Variants in RALGPS1 observed in about 807,000 individuals in gnomAD.
RALGPS1 encodes the protein ras-specific guanine nucleotide-releasing factor RalGPS1.
A neutral mutation model predicts 78.8 loss-of-function variants in RALGPS1; 19 were observed. The observed-to-expected ratio is 0.24, with a 90% CI of 0.17 to 0.35. The LOEUF (loss-of-function observed/expected upper bound fraction) is 0.35. Ranked by LOEUF, RALGPS1 falls within the 10% of genes least tolerant of loss-of-function variation. The pLI, the probability that RALGPS1 is intolerant of heterozygous loss-of-function variation, is 1.00. For missense variants in RALGPS1, 454 were observed against 688.3 expected (o/e 0.66, Z 3.81); for synonymous variants, 228 against 256.3 (o/e 0.89, Z 1.06).
chr9:127,171,460 TAA>T (rs984294939), intron 10 of RALGPS1, among the ~76,000 whole-genome samples: 7 of 152,158 alleles, frequency 4.6e-5, no homozygotes, highest in Admixed American at 2.0e-4. Flanking sequence ...CTAAAATTAA[TAA>T]AAGAGGGCCG....
chr9:127,112,395 A>G (rs1440957764), intron 8 of RALGPS1, among the ~76,000 whole-genome samples: 1 of 152,212 alleles, frequency 6.6e-6, no homozygotes, highest in African/African-American at 2.4e-5. Flanking sequence ...CAGGCTGCTC[A>G]CCTGAGGCAG....
intron 14 of RALGPS1, among the ~76,000 whole-genome samples, chr9:127,200,944 CAT>C (rs937248543): frequency 1.3e-5 from 2 of 152,260 alleles, no homozygotes; most frequent in African/African-American, 4.8e-5. Context: ...CTTATTCCTT[CAT>C]TCACTCACTT....
At position 127,059,653 on chromosome 9, in the gene RALGPS1, C is replaced by T. The variant is rs555082672; in HGVS notation, c.483+6714C>T. On this transcript the variant is annotated intron_variant, in intron 7 of 18. Transcript: ENST00000259351. ...GGAGCTTCAAGTGTCACCTCCTGTACCCCAGTGATGGCTGGCTTTTCAGTT... is the reference window on the plus strand; with the variant it reads ...GGAGCTTCAAGTGTCACCTCCTGTATCCCAGTGATGGCTGGCTTTTCAGTT... Among the ~76,000 whole-genome samples the T allele has an allele frequency of 1.6e-4, 25 of 152,144 alleles. 1 individual carries two copies. In the South Asian group the frequency reaches 5.0e-3, roughly 30 times the overall value.
At chr9:127,200,021 C>T (rs115826982) in intron 14 of RALGPS1, among the ~76,000 whole-genome samples, 2,303 of 152,258 alleles carry the variant, frequency 0.015, 51 homozygotes, top group African/African-American at 0.051. Flanking sequence ...CACAGGCACA[C>T]GCTCACACAT....
chr9:127,157,400 G>A (rs2058760008), intron 8 of RALGPS1, among the ~76,000 whole-genome samples: 2 of 152,044 alleles, frequency 1.3e-5, no homozygotes, highest in African/African-American at 4.8e-5. Context: ...GATACAAAGA[G>A]ATGTAGATAA....
chr9:126,974,117 G>T (rs2040380752), intron 3 of RALGPS1, among the ~76,000 whole-genome samples: 1 of 152,066 alleles, frequency 6.6e-6, no homozygotes, highest in South Asian at 2.1e-4. Context: ...CAAGTGATCC[G>T]CCAGCTTCAG....
chr9:127,042,388 TG>T (rs906118603), intron 5 of RALGPS1, among the ~76,000 whole-genome samples: 1 of 152,198 alleles, frequency 6.6e-6, no homozygotes, highest in Admixed American at 6.5e-5. Context: ...TGTAATCCAC[TG>T]TACAATAGGC....
chr9:127,167,315 G>T (rs937229168), intron 9 of RALGPS1, among the ~76,000 whole-genome samples: 2 of 152,232 alleles, frequency 1.3e-5, no homozygotes, highest in Non-Finnish European at 2.9e-5. Context: ...TGACAGGAGG[G>T]GTAGGAGGCA....
chr9:126,981,840 G>A (rs1425701229), intron 4 of RALGPS1, among the ~76,000 whole-genome samples: 1 of 152,158 alleles, frequency 6.6e-6, no homozygotes, highest in African/African-American at 2.4e-5. Context: ...GTCTCTGTGG[G>A]TGAAGAATCC....
At chr9:126,971,832 A>G (rs180813531) in intron 3 of RALGPS1, among the ~76,000 whole-genome samples, 234 of 152,346 alleles carry the variant, frequency 1.5e-3, no homozygotes, top group African/African-American at 5.2e-3. Context: ...TAGTATGACT[A>G]TAGGATAAAG....
At chr9:127,149,144 A>G (rs936600324) in intron 8 of RALGPS1, among the ~76,000 whole-genome samples, 1 of 152,174 alleles carries the variant, frequency 6.6e-6, no homozygotes, top group Non-Finnish European at 1.5e-5. Flanking sequence ...CTGACCCACT[A>G]AGACCACCTG....
chr9:126,958,142 A>AAAATATATAT, intron 1 of RALGPS1, among the ~76,000 whole-genome samples: 1 of 77,104 alleles, frequency 1.3e-5, no homozygotes, highest in African/African-American at 4.1e-5. Context: ...AAAAAAAAAA[A>AAAATATATAT]ATATATATAT....
chr9:127,154,256 A>T lies in RALGPS1; in HGVS notation c.611-11813A>T, dbSNP rs187252351. On this transcript the variant is annotated intron_variant, in intron 8 of 18. Coordinates refer to ENST00000259351, the MANE Select transcript of RALGPS1 (RefSeq NM_014636.3). The stretch of plus-strand genomic sequence containing the variant: ...CAAGAGGCAGGGCTGCTGCTGGGCC[A>T]GCTGGATCTGGCCAGGCCAAGTGCC... Among the ~76,000 whole-genome samples the T allele has an allele frequency of 5.0e-4, 76 of 152,360 alleles. No individual in the cohort carries two copies. The East Asian group carries it at 0.014, about 29-fold the overall frequency.
At chr9:126,927,056 G>A (rs1032608603) in intron 1 of RALGPS1, among the ~76,000 whole-genome samples, 1 of 152,132 alleles carries the variant, frequency 6.6e-6, no homozygotes, top group African/African-American at 2.4e-5. Context: ...ATCTGCAGCT[G>A]AGAGAGAGAT....
At chr9:127,101,110 A>G (rs370191369) in intron 8 of RALGPS1, among the ~76,000 whole-genome samples, 21 of 152,358 alleles carry the variant, frequency 1.4e-4, no homozygotes, top group South Asian at 1.0e-3. Flanking sequence ...CAACCCCAGG[A>G]AAGCTACTTT....
chr9:127,170,639 G>T (rs2059524936), intron 10 of RALGPS1, among the ~76,000 whole-genome samples: 2 of 152,274 alleles, frequency 1.3e-5, no homozygotes, highest in Middle Eastern at 3.4e-3. Context: ...CACCAGTATT[G>T]TGATAAAGGA....
At chr9:127,045,758 C>T (rs28847978) in intron 5 of RALGPS1, among the ~76,000 whole-genome samples, 1,446 of 33,566 alleles carry the variant, frequency 0.043, 25 homozygotes, top group African/African-American at 0.092. Context: ...CACACACACA[C>T]ACATACACAC....
intron 8 of RALGPS1, among the ~76,000 whole-genome samples, chr9:127,149,764 T>G (rs2058314205): frequency 1.3e-5 from 2 of 152,196 alleles, no homozygotes; most frequent in African/African-American, 4.8e-5. Context: ...GATTCAAACC[T>G]TGGCTCCTCC....
intron 8 of RALGPS1, among the ~76,000 whole-genome samples, chr9:127,153,575 A>G (rs2058548475): frequency 2.0e-5 from 3 of 152,046 alleles, no homozygotes; most frequent in Non-Finnish European, 4.4e-5. Context: ...AGGCCCTGTC[A>G]TGATGGCGGC....
Sources: allele counts gnomAD v4.1 joint callset (sites outside exome capture counted in the v4.1 genomes callset), GRCh38; gene constraint gnomAD v4.1.1; transcripts MANE v1.5; gene names NCBI Gene and HGNC (gene_info 2026-07-23, HGNC 2026-07-21).